FRY: variants seen among roughly 807,000 people sequenced by gnomAD.
FRY encodes the protein protein furry homolog.
FRY carries 128 observed loss-of-function variants against 348.4 expected under a neutral mutation model. The ratio of observed to expected loss-of-function variants is 0.37; its 90% CI spans 0.32 to 0.43. The LOEUF (loss-of-function observed/expected upper bound fraction) is 0.43. Ranked by LOEUF, FRY falls within the 20% of genes least tolerant of loss-of-function variation. The pLI is 1.00. For missense variants in FRY, 2,736 were observed against 3,695.2 expected (o/e 0.74, Z 6.73); for synonymous variants, 1,370 against 1,374.7 (o/e 1.00, Z 0.08).
Position 32,155,647 on chromosome 13 carries a change from G to A in FRY, c.1636G>A (p.Glu546Lys). 6.2e-7 allele frequency: 1 copy of A among 1,612,496 alleles called. No homozygotes were observed. Among genetic ancestry groups the A allele is most frequent in the Non-Finnish European group, 8.5e-7 (1 of 1,179,154 alleles). Reference protein sequence around the residue: ...TYLSKTLTEEEAKMIGMSLYY... With the variant: ...TYLSKTLTEEKAKMIGMSLYY... Reference sequence around the variant, plus strand: ...TTTGAGTAAAACACTAACTGAAGAGGAAGCCAAAATGATAGGTGAGTTTCA... The same window carrying A: ...TTTGAGTAAAACACTAACTGAAGAGAAAGCCAAAATGATAGGTGAGTTTCA... The change falls in exon 15 of 61, where the codon GAA becomes AAA. Residue 546 changes from glutamate (E) to lysine (K), a missense_variant. Glu to Lys is a moderately conservative substitution (Grantham distance 56, BLOSUM62 1). Transcript: ENST00000542859.
intron 1 of FRY, among the ~76,000 whole-genome samples, chr13:32,042,617 A>G (rs1027575315): frequency 6.6e-6 from 1 of 152,176 alleles, no homozygotes; most frequent in Non-Finnish European, 1.5e-5. Context: ...ACATGATCAC[A>G]GGATGGCCAC....
intron 55 of FRY, among the ~76,000 whole-genome samples, chr13:32,269,128 G>T (rs1888089422): frequency 6.6e-6 from 1 of 152,146 alleles, no homozygotes; most frequent in Non-Finnish European, 1.5e-5. Context: ...GAAGAGCCAT[G>T]GCCGACGGGA....
rs534180630 is a variant in FRY at position 32,081,526 on chromosome 13, T to C, written c.270+2493T>C. Reference sequence around the variant, plus strand: ...TTTTAGTAGAGACGGAGTTTCACCATGTTGGCCAGCCTGGTCTCGAACTCA... The same window carrying C: ...TTTTAGTAGAGACGGAGTTTCACCACGTTGGCCAGCCTGGTCTCGAACTCA... On this transcript the variant is annotated intron_variant, in intron 2 of 60. Coordinates refer to ENST00000542859, the MANE Select transcript of FRY (RefSeq NM_023037.3). 1.9e-4 allele frequency among the ~76,000 whole-genome samples: 29 copies of C among 152,304 alleles called. No homozygotes were observed. The East Asian group carries it at 2.5e-3, about 13-fold the overall frequency.
chr13:32,155,316 A>AACAGTG (rs1202271301), intron 14 of FRY, among the ~76,000 whole-genome samples, 175 bp from the exon 15 acceptor site: 1 of 152,248 alleles, frequency 6.6e-6, no homozygotes, highest in Non-Finnish European at 1.5e-5. Context: ...AACAAGAAAA[A>AACAGTG]ACAGTGACAG....
In FRY at chr13:32,192,413, T is replaced by C. The variant is rs377077656; in HGVS notation, c.3592-1730T>C. The stretch of plus-strand genomic sequence containing the variant: ...CTGCAACCTCCACCTCCCGGGTTCA[T>C]GCCATTCTCCCGCCTCAGCCTCCTG... On this transcript the variant is annotated intron_variant, in intron 28 of 60. Transcript: ENST00000542859. Among the ~76,000 whole-genome samples the C allele has an allele frequency of 3.1e-3, 471 of 151,116 alleles. 5 individuals are homozygous for C. Among genetic ancestry groups the C allele is most frequent in the African/African-American group, 0.01 (418 of 41,218 alleles).
intron 60 of FRY, 104 bp downstream of exon 60, chr13:32,294,674 C>A (rs916302121): frequency 8.2e-6 from 7 of 848,576 alleles, no homozygotes; most frequent in Non-Finnish European, 1.4e-5. Context: ...AGATATTTTA[C>A]AGATCTCTTC....
chr13:32,052,916 C>T (rs975686977), intron 1 of FRY, among the ~76,000 whole-genome samples: 1 of 152,170 alleles, frequency 6.6e-6, no homozygotes, highest in African/African-American at 2.4e-5. Flanking sequence ...GAGTTCAAGA[C>T]CAGCCTGGCC....
rs145304375 is a variant in FRY at position 32,208,466 on chromosome 13, T to C, written c.4019-387T>C. ...CGACAAGGGAACTGAGGAGCAGAGATGTTAAGTAACTAGCCCAGAGTCACA... is the reference window on the plus strand; with the variant it reads ...CGACAAGGGAACTGAGGAGCAGAGACGTTAAGTAACTAGCCCAGAGTCACA... On this transcript the variant is annotated intron_variant, in intron 31 of 60. Coordinates refer to ENST00000542859, the MANE Select transcript of FRY (RefSeq NM_023037.3). 8.5e-5 allele frequency among the ~76,000 whole-genome samples: 13 copies of C among 152,368 alleles called. No homozygotes were observed. In the East Asian group the frequency reaches 2.3e-3, roughly 27 times the overall value.
Position 32,178,879 on chromosome 13 carries a change from G to T in FRY, c.2717G>T (p.Gly906Val), listed in dbSNP as rs749653581. Residue 906 changes from glycine to valine, a missense_variant, in exon 22 of 61, where the codon GGC becomes GTC. Transcript: ENST00000542859. Reference protein sequence around the residue: ...PINAKKTSTAGSGDNYVTLWR... With the variant: ...PINAKKTSTAVSGDNYVTLWR... ...AATGCCAAGAAAACCAGCACTGCCG[G>T]CAGCGGAGACAACTATGTTACTTTG... is the stretch of plus-strand genomic sequence containing the variant. 6.2e-7 allele frequency: 1 copy of T among 1,613,572 alleles called. No homozygotes were observed. The highest frequency in any genetic ancestry group is 1.3e-5 in the African/African-American group (1 of 75,014).
In FRY at chr13:32,185,076, G is replaced by T; in HGVS notation, c.3247G>T (p.Glu1083Ter). ...GCTCCTAGAAGCTGAAAATGACAAA[G>T]AAGTTGAAATTCTTAAAGATATCCG... ...RMLLEAENDKEVEILKDIRAH... is the reference protein window; with the variant it reads ...RMLLEAENDK Residue 1083 changes from glutamate (E) to a stop codon, truncating the protein, a stop_gained, in exon 26 of 61, where the codon GAA becomes TAA. Coordinates refer to ENST00000542859, the MANE Select transcript of FRY (RefSeq NM_023037.3). LOFTEE classifies it high-confidence loss of function. 1 of 1,614,038 alleles carries T rather than the reference G, an allele frequency of 6.2e-7. No homozygotes were observed.
intron 42 of FRY, among the ~76,000 whole-genome samples, chr13:32,235,163 C>G (rs1170458629): frequency 6.6e-6 from 1 of 152,216 alleles, no homozygotes; most frequent in Non-Finnish European, 1.5e-5. Context: ...AGCACTACCT[C>G]TCTCTCTATG....
rs1479711749 is a variant in FRY, at chr13:32,297,491, C to T, written c.*2031C>T. On this transcript the variant is annotated 3_prime_UTR_variant, in exon 61 of 61. Transcript: ENST00000542859. Reference sequence around the variant, plus strand: ...CAGAGAACCACCGTGATGGTTTACTCTTAAAAAGGGAAGGAAAAAAAAAAA... The same window carrying T: ...CAGAGAACCACCGTGATGGTTTACTTTTAAAAAGGGAAGGAAAAAAAAAAA... 6.7e-6 allele frequency: 1 copy of T among 150,368 alleles called. No homozygotes were observed. Among genetic ancestry groups the T allele is most frequent in the African/African-American group, 2.5e-5 (1 of 40,734 alleles). 9.3% of individuals were successfully genotyped at this position (150,368 alleles called of 1,614,324 possible).
chr13:32,261,410 C>T, intron 51 of FRY: 1 of 753,966 alleles, frequency 1.3e-6, no homozygotes, highest in Middle Eastern at 3.1e-4. Flanking sequence ...TCATTTCTGC[C>T]TATGACTTCA....
At chr13:32,236,291 C>T in intron 43 of FRY, 119 bp downstream of exon 43, 1 of 748,222 alleles carries the variant, frequency 1.3e-6, no homozygotes, top group Non-Finnish European at 2.3e-6. Flanking sequence ...TATTTATGAC[C>T]TGAAAAAGTA....
At position 32,194,153 on chromosome 13, in the gene FRY, T is replaced by G; in HGVS notation, c.3602T>G (p.Leu1201Arg). Residue 1201 changes from leucine to arginine, a missense_variant, in exon 29 of 61, where the codon CTT becomes CGT. By Grantham distance (102) the Leu-to-Arg change is moderately radical. Coordinates refer to ENST00000542859, the MANE Select transcript of FRY (RefSeq NM_023037.3). Reference protein sequence around the residue: ...LACQDLRVHQLGCEVVVLLLE... With the variant: ...LACQDLRVHQRGCEVVVLLLE... ...GCTCCATGTATTCAGGTTCATCAAC[T>G]TGGCTGCGAAGTTGTTGTCTTGCTA... 6.2e-7 allele frequency: 1 copy of G among 1,613,984 alleles called. No homozygotes were observed. Among genetic ancestry groups the G allele is most frequent in the Non-Finnish European group, 8.5e-7 (1 of 1,179,800 alleles).
At chr13:32,114,083 C>T (rs1011577472) in intron 3 of FRY, among the ~76,000 whole-genome samples, 3 of 152,242 alleles carry the variant, frequency 2.0e-5, no homozygotes, top group Non-Finnish European at 2.9e-5. Context: ...CATGAGGTAG[C>T]GGAACATTGC....
At chr13:32,116,009 A>G (rs1381511201) in intron 3 of FRY, among the ~76,000 whole-genome samples, 1 of 152,036 alleles carries the variant, frequency 6.6e-6, no homozygotes, top group African/African-American at 2.4e-5. Context: ...TATGATTTTA[A>G]TGGTTTCAAA....
chr13:32,209,816 C>T, intron 33 of FRY, 85 bp downstream of exon 33: 1 of 1,330,404 alleles, frequency 7.5e-7, no homozygotes, highest in Middle Eastern at 2.0e-4. Flanking sequence ...GCTCTTTGCT[C>T]CAGCTAAAAT....
At chr13:32,140,915 G>C (rs1210838004) in intron 11 of FRY, among the ~76,000 whole-genome samples, 1 of 151,996 alleles carries the variant, frequency 6.6e-6, no homozygotes, top group African/African-American at 2.4e-5. Context: ...ATCATTGCCT[G>C]AATTAATTAA....
Sources: allele counts gnomAD v4.1 joint callset (sites outside exome capture counted in the v4.1 genomes callset), GRCh38; gene constraint gnomAD v4.1.1; transcripts MANE v1.5; gene names NCBI Gene and HGNC (gene_info 2026-07-23, HGNC 2026-07-21).